Variants in RIMKLA observed in about 807,000 individuals in gnomAD.
The protein encoded by RIMKLA is ribosomal modification protein rimK like family member A.
In RIMKLA, 14 loss-of-function variants were observed where a neutral mutation model predicts 32.7. The observed-to-expected ratio is 0.43, with a 90% CI of 0.28 to 0.67. RIMKLA has a LOEUF of 0.67. RIMKLA is among the 30% of genes least tolerant of loss of function. The probability of loss-of-function intolerance (pLI) is 0.18; values close to 1 mark genes in which losing one functional copy is unlikely to be tolerated. For missense variants in RIMKLA, 410 were observed against 519.0 expected (o/e 0.79, Z 2.04); for synonymous variants, 176 against 204.1 (o/e 0.86, Z 1.18).
chr1:42,382,160 C>G (rs1185744854), intron 1 of RIMKLA, among the ~76,000 whole-genome samples: 2 of 152,188 alleles, frequency 1.3e-5, no homozygotes, highest in Non-Finnish European at 2.9e-5. Flanking sequence ...GATTTTTCAT[C>G]TCCAAGTTTA....
rs1256269173 is a variant in RIMKLA at position 42,422,738 on chromosome 1, C to T, written c.*7764C>T. ...TTCACCCTATTCACTTGCACACCAG[C>T]TGCGTTCTGAAAAACTATAATTTTC... On this transcript the variant is annotated 3_prime_UTR_variant, in exon 5 of 5. Coordinates refer to ENST00000431473, the MANE Select transcript of RIMKLA (RefSeq NM_173642.4). 6.6e-6 allele frequency among the ~76,000 whole-genome samples: 1 copy of T among 152,190 alleles called. No individual in the cohort carries two copies. Among genetic ancestry groups the T allele is most frequent in the Admixed American group, 6.5e-5 (1 of 15,282 alleles).
chr1:42,414,910 C>A lies in RIMKLA; in HGVS notation c.1112C>A (p.Ser371Tyr), dbSNP rs771409634. The change falls in exon 5 of 5, where the codon TCC becomes TAC. Residue 371 changes from serine to tyrosine, a missense_variant. Physicochemically the swap from Ser to Tyr is moderately radical, Grantham distance 144 (BLOSUM62 -2). Coordinates refer to ENST00000431473, the MANE Select transcript of RIMKLA (RefSeq NM_173642.4). ...GCAAGCACAATGGGGGCCCCACCCT[C>A]CATGCTGCCCGAACCTGGCTACAAC... ...SSASTMGAPP[S>Y]MLPEPGYNIN... is the part of the protein sequence containing the mutation. 6.2e-7 allele frequency: 1 copy of A among 1,614,130 alleles called. No homozygotes were observed.
At chr1:42,381,942 C>G (rs1382435947) in intron 1 of RIMKLA, among the ~76,000 whole-genome samples, 1 of 152,224 alleles carries the variant, frequency 6.6e-6, no homozygotes, top group African/African-American at 2.4e-5. Context: ...CCAACCATTT[C>G]AGGGAGTCCA....
In RIMKLA at chr1:42,423,764, A is replaced by T. The variant is rs1388264821; in HGVS notation, c.*8790A>T. 6.6e-6 allele frequency among the ~76,000 whole-genome samples: 1 copy of T among 152,170 alleles called. No homozygotes were observed. Among genetic ancestry groups the T allele is most frequent in the African/African-American group, 2.4e-5 (1 of 41,436 alleles). On this transcript the variant is annotated 3_prime_UTR_variant, in exon 5 of 5. Coordinates refer to ENST00000431473, the MANE Select transcript of RIMKLA (RefSeq NM_173642.4). ...TGCTGCTGGCACCCACTTGTCTATC[A>T]CGCTGGTATCCGCTGCTTTTCCTGC...
At chr1:42,405,075 G>A (rs971370506) in intron 3 of RIMKLA, among the ~76,000 whole-genome samples, 3 of 152,130 alleles carry the variant, frequency 2.0e-5, no homozygotes, top group Non-Finnish European at 2.9e-5. Flanking sequence ...AGTAGACCGT[G>A]CATTTTCCCC....
intron 1 of RIMKLA, among the ~76,000 whole-genome samples, chr1:42,398,937 A>G (rs1643070613): frequency 6.8e-6 from 1 of 147,950 alleles, no homozygotes; most frequent in Non-Finnish European, 1.5e-5. Context: ...ACTGCACTCT[A>G]ACCTGGGTGA....
intron 2 of RIMKLA, among the ~76,000 whole-genome samples, chr1:42,402,229 TCCTAATC>T (rs1643104006): frequency 6.6e-6 from 1 of 152,152 alleles, no homozygotes; most frequent in Non-Finnish European, 1.5e-5. Flanking sequence ...GATACCCAAG[TCCTAATC>T]CCTAGCACCT....
chr1:42,412,416 G>C (rs993511773), intron 4 of RIMKLA: 2 of 268,884 alleles, frequency 7.4e-6, no homozygotes, highest in Admixed American at 4.6e-5. Flanking sequence ...ATAATCCCAG[G>C]ATTTTCCCAC....
At chr1:42,386,392 C>T (rs1270136455) in intron 1 of RIMKLA, among the ~76,000 whole-genome samples, 2 of 152,102 alleles carry the variant, frequency 1.3e-5, no homozygotes, top group African/African-American at 4.8e-5. Flanking sequence ...AGGGAGGACA[C>T]TGCATCTGCA....
Position 42,419,542 on chromosome 1 carries a change from T to C in RIMKLA, c.*4568T>C, listed in dbSNP as rs1643277697. On this transcript the variant is annotated 3_prime_UTR_variant, in exon 5 of 5. Transcript: ENST00000431473. ...AGGCAGTCTGATTCCTCATCCACTT[T>C]GGCATACTGCCAGAGGTAGCTCCAT... is the stretch of plus-strand genomic sequence containing the variant. 1 of 152,296 alleles carries C rather than the reference T, an allele frequency of 6.6e-6. No homozygotes were observed. Among genetic ancestry groups the C allele is most frequent in the Non-Finnish European group, 1.5e-5 (1 of 68,082 alleles). The allele number at this position is 152,296 out of a possible 1,614,324, so 9.4% of individuals were successfully genotyped here.
In RIMKLA at chr1:42,414,524, G is replaced by C; in HGVS notation, c.726G>C (p.Lys242Asn). 1.2e-6 allele frequency: 2 copies of C among 1,614,212 alleles called. No individual in the cohort carries two copies. The highest frequency in any genetic ancestry group is 1.7e-6 in the Non-Finnish European group (2 of 1,180,040). ...AGTGTCCGCTGACAGAACAAGGCAA[G>C]CAGTTGGCTATTCAGGTGTCCAACA... The part of the protein sequence containing the change: ...GVKCPLTEQG[K>N]QLAIQVSNIL... The change falls in exon 5 of 5, where the codon AAG becomes AAC. Residue 242 changes from lysine (K) to asparagine (N), a missense_variant. By Grantham distance (94) the Lys-to-Asn change is moderately conservative. Transcript: ENST00000431473.
intron 3 of RIMKLA, among the ~76,000 whole-genome samples, chr1:42,407,008 C>T (rs921983173): frequency 2.0e-5 from 3 of 151,706 alleles, no homozygotes; most frequent in Admixed American, 6.6e-5. Flanking sequence ...TGGGCTGAAA[C>T]GATCCTCCTG....
In RIMKLA at chr1:42,414,871, T is replaced by G; in HGVS notation, c.1073T>G (p.Ile358Ser). 6.2e-7 allele frequency: 1 copy of G among 1,614,134 alleles called. No individual in the cohort carries two copies. The change falls in exon 5 of 5, where the codon ATC becomes AGC. Residue 358 changes from isoleucine (I) to serine (S), a missense_variant. Physicochemically the swap from Ile to Ser is moderately radical, Grantham distance 142. Transcript: ENST00000431473. ...SSESEPELGE[I>S]RDSSASTMGA... ...GAAAGTGAGCCTGAACTGGGAGAGA[T>G]CCGGGATTCCTCAGCAAGCACAATG...
intron 4 of RIMKLA, 77 bp downstream of exon 4, chr1:42,410,264 G>C: frequency 8.2e-7 from 1 of 1,212,906 alleles, no homozygotes; most frequent in Admixed American, 1.9e-5. Context: ...CTACTGTCTT[G>C]TCAGACCCTC....
At chr1:42,382,025 A>G (rs1642893693) in intron 1 of RIMKLA, among the ~76,000 whole-genome samples, 1 of 152,186 alleles carries the variant, frequency 6.6e-6, no homozygotes. Flanking sequence ...ACAATTATTA[A>G]TGGTTAAATA....
Position 42,422,774 on chromosome 1 carries a change from C to T in RIMKLA, c.*7800C>T, listed in dbSNP as rs911913017. ...AAAACTATAATTTTCCTTTCAAACG[C>T]AGAGTGCCGTCTGAATTGTAATACT... On this transcript the variant is annotated 3_prime_UTR_variant, in exon 5 of 5. Coordinates refer to ENST00000431473, the MANE Select transcript of RIMKLA (RefSeq NM_173642.4). Among the ~76,000 whole-genome samples the T allele has an allele frequency of 3.9e-5, 6 of 152,188 alleles. No individual in the cohort carries two copies. The highest frequency in any genetic ancestry group is 7.3e-5 in the Non-Finnish European group (5 of 68,044).
At chr1:42,409,079 G>T (rs535089823) in intron 3 of RIMKLA, among the ~76,000 whole-genome samples, 1 of 151,838 alleles carries the variant, frequency 6.6e-6, no homozygotes, top group East Asian at 2.0e-4. Context: ...ATGCGTGCCT[G>T]TAATCCCAGC....
intron 1 of RIMKLA, among the ~76,000 whole-genome samples, chr1:42,383,033 T>TTTTATTTATTTA (rs531801323): frequency 2.7e-5 from 4 of 149,632 alleles, no homozygotes; most frequent in African/African-American, 4.9e-5. Flanking sequence ...TTAATTTTTA[T>TTTTATTTATTTA]TTTATTTATT....
chr1:42,410,658 A>G (rs1008518248), intron 4 of RIMKLA, among the ~76,000 whole-genome samples: 2 of 152,226 alleles, frequency 1.3e-5, no homozygotes, highest in South Asian at 2.1e-4. Context: ...GTTATTAGAA[A>G]GCTACAGTTT....
Sources: allele counts gnomAD v4.1 joint callset (sites outside exome capture counted in the v4.1 genomes callset), GRCh38; gene constraint gnomAD v4.1.1; transcripts MANE v1.5; gene names NCBI Gene and HGNC (gene_info 2026-07-23, HGNC 2026-07-21).